PIK3R1: variants seen among roughly 807,000 people sequenced by gnomAD.
PIK3R1 encodes the protein phosphatidylinositol 3-kinase regulatory subunit alpha.
In PIK3R1, 29 loss-of-function variants were observed where a neutral mutation model predicts 98.0. The observed-to-expected ratio is 0.30, with a 90% CI of 0.22 to 0.40. The LOEUF (loss-of-function observed/expected upper bound fraction) is 0.40, where lower values mean the gene tolerates loss of function less well. Ranked by LOEUF, PIK3R1 falls within the 10% of genes least tolerant of loss-of-function variation. PIK3R1 has a pLI of 1.00. For missense variants in PIK3R1, 596 were observed against 872.7 expected (o/e 0.68, Z 3.99); for synonymous variants, 282 against 311.8 (o/e 0.90, Z 1.01).
chr5:68,298,551 G>A lies in PIK3R1; in HGVS notation c.*950G>A, dbSNP rs1444680486. On this transcript the variant is annotated 3_prime_UTR_variant, in exon 16 of 16. Coordinates refer to ENST00000521381, the MANE Select transcript of PIK3R1 (RefSeq NM_181523.3). Reference sequence around the variant, plus strand: ...TCATTTTTGTTATCCTTTTTTAAAAGTAAATGTACAGGATGCCAGTAAAAA... The same window carrying A: ...TCATTTTTGTTATCCTTTTTTAAAAATAAATGTACAGGATGCCAGTAAAAA... The A allele has an allele frequency of 4.3e-6, 1 of 230,206 alleles. No individual in the cohort carries two copies. Among genetic ancestry groups the A allele is most frequent in the East Asian group, 6.1e-5 (1 of 16,302 alleles). 14.3% of individuals were successfully genotyped at this position (230,206 alleles called of 1,614,324 possible). A position where few individuals can be genotyped will look rare whatever the true frequency, so the allele number is the denominator to read the frequency against.
rs1748000706 is a variant in PIK3R1 at position 68,300,824 on chromosome 5, G to C, written c.*3223G>C. The C allele has an allele frequency of 4.3e-6, 1 of 233,162 alleles. No homozygotes were observed. The highest frequency in any genetic ancestry group is 8.5e-6 in the Non-Finnish European group (1 of 118,048). 14.4% of individuals were successfully genotyped at this position (233,162 alleles called of 1,614,324 possible). On this transcript the variant is annotated 3_prime_UTR_variant, in exon 16 of 16. Coordinates refer to ENST00000521381, the MANE Select transcript of PIK3R1 (RefSeq NM_181523.3). ...GGTGAAAATTGTTTGTAAGTGAAGT[G>C]AGAAGTTCATATTTCTTTGGCTTTT...
chr5:68,231,908 C>T (rs762802891), intron 2 of PIK3R1, among the ~76,000 whole-genome samples: 15 of 152,082 alleles, frequency 9.9e-5, no homozygotes, highest in South Asian at 2.1e-4. Flanking sequence ...TCTGTTTTTG[C>T]GAGAAAGTTG....
At chr5:68,267,125 C>G (rs951291230) in intron 2 of PIK3R1, among the ~76,000 whole-genome samples, 3 of 152,180 alleles carry the variant, frequency 2.0e-5, no homozygotes, top group African/African-American at 7.2e-5. Flanking sequence ...CCATTTACAT[C>G]CTGCCTAGCT....
chr5:68,288,774 A>T, intron 7 of PIK3R1: 1 of 1,609,572 alleles, frequency 6.2e-7, no homozygotes, highest in Non-Finnish European at 8.5e-7. Context: ...GAATTTGTGC[A>T]CTTCTCTGTT....
At chr5:68,243,749 CG>C (rs1378370291) in intron 2 of PIK3R1, among the ~76,000 whole-genome samples, 4 of 152,124 alleles carry the variant, frequency 2.6e-5, no homozygotes, top group African/African-American at 9.7e-5. Context: ...TGGTGGATCA[CG>C]GGCAGAAACA....
At chr5:68,286,293 A>G (rs1561292379) in intron 7 of PIK3R1, among the ~76,000 whole-genome samples, 1 of 152,240 alleles carries the variant, frequency 6.6e-6, no homozygotes, top group Non-Finnish European at 1.5e-5. Context: ...GAGGTCCCAG[A>G]GAAATGCTGA....
Position 68,226,683 on chromosome 5 carries a change from C to A in PIK3R1, c.8C>A (p.Ala3Asp), listed in dbSNP as rs1744286902. The change falls in exon 2 of 16, where the codon GCT (alanine) becomes GAT (aspartate). Residue 3 changes from alanine (A) to aspartate (D), a missense_variant. Ala to Asp is a moderately radical substitution (Grantham distance 126). This residue lies in a region of PIK3R1 where 352 missense variants were observed against 393.3 expected (regional missense o/e 0.90). Transcript: ENST00000521381. ...GGTAGCAGATTTGCAAACATGAGTG[C>A]TGAGGGGTACCAGTACAGAGCGCTG... Reference protein sequence around the residue: MSAEGYQYRALYD... With the variant: MSDEGYQYRALYD... 6.2e-7 allele frequency: 1 copy of A among 1,612,238 alleles called. No individual in the cohort carries two copies. Among genetic ancestry groups the A allele is most frequent in the Non-Finnish European group, 8.5e-7 (1 of 1,178,812 alleles).
chr5:68,225,762 G>C, intron 1 of PIK3R1, among the ~76,000 whole-genome samples: 1 of 152,120 alleles, frequency 6.6e-6, no homozygotes. Context: ...ACTCAGCATG[G>C]GCATGCGTGA....
chr5:68,301,438 G>A lies in PIK3R1; in HGVS notation c.*3837G>A, dbSNP rs1224798463. On this transcript the variant is annotated 3_prime_UTR_variant, in exon 16 of 16. Coordinates refer to ENST00000521381, the MANE Select transcript of PIK3R1 (RefSeq NM_181523.3). ...TATATATATATATATATATATGTGT[G>A]TGTATATATATATATATGTGTATAT... 2.7e-5 allele frequency: 3 copies of A among 112,758 alleles called. No individual in the cohort carries two copies. Among genetic ancestry groups the A allele is most frequent in the Non-Finnish European group, 5.2e-5 (3 of 57,440 alleles). The allele number at this position is 112,758 out of a possible 1,614,324, so 7.0% of individuals were successfully genotyped here.
At chr5:68,287,972 G>A (rs908573902) in intron 7 of PIK3R1, among the ~76,000 whole-genome samples, 1 of 152,220 alleles carries the variant, frequency 6.6e-6, no homozygotes, top group African/African-American at 2.4e-5. Flanking sequence ...CTGCAGGGCT[G>A]TCTGTGCTGG....
intron 7 of PIK3R1, among the ~76,000 whole-genome samples, chr5:68,288,911 G>C (rs557298855): frequency 6.6e-6 from 1 of 152,114 alleles, no homozygotes; most frequent in African/African-American, 2.4e-5. Flanking sequence ...CCTCGAGGGG[G>C]ACAGTGGCTG....
At chr5:68,219,123 A>T (rs538583801) in intron 1 of PIK3R1, among the ~76,000 whole-genome samples, 1 of 152,208 alleles carries the variant, frequency 6.6e-6, no homozygotes, top group African/African-American at 2.4e-5. Context: ...ACTTGTCTGT[A>T]TGGCCTTTAT....
intron 2 of PIK3R1, among the ~76,000 whole-genome samples, chr5:68,258,126 A>C (rs1049107612): frequency 1.3e-5 from 2 of 152,218 alleles, no homozygotes; most frequent in African/African-American, 2.4e-5. Context: ...ACCAAGAGCA[A>C]GCACTGTGGG....
chr5:68,288,931 G>T (rs1469388436), intron 7 of PIK3R1, among the ~76,000 whole-genome samples: 2 of 152,116 alleles, frequency 1.3e-5, no homozygotes. Context: ...GGGAAAGATA[G>T]GGTTTAGGTT....
intron 2 of PIK3R1, among the ~76,000 whole-genome samples, chr5:68,260,847 A>G (rs1745712308): frequency 2.0e-5 from 3 of 152,232 alleles, no homozygotes; most frequent in Admixed American, 2.0e-4. Context: ...ACATTTAAGA[A>G]CATGGAATTA....
chr5:68,297,406 C>T lies in PIK3R1; in HGVS notation c.1986-6C>T, dbSNP rs752467376. On this transcript the variant is annotated splice_polypyrimidine_tract_variant and splice_region_variant and intron_variant, in intron 15 of 15. Coordinates refer to ENST00000521381, the MANE Select transcript of PIK3R1 (RefSeq NM_181523.3). ...CAAAAGACAGTTTTTCTTCTCTCCT[C>T]TCTAGGGTGGACGGCGAAGTAAAGC... 3 of 1,610,900 alleles carry T rather than the reference C, an allele frequency of 1.9e-6. No homozygotes were observed. Among genetic ancestry groups the T allele is most frequent in the East Asian group, 2.2e-5 (1 of 44,872 alleles).
At chr5:68,222,169 T>C (rs1205465426) in intron 1 of PIK3R1, among the ~76,000 whole-genome samples, 3 of 152,136 alleles carry the variant, frequency 2.0e-5, no homozygotes, top group Non-Finnish European at 2.9e-5. Context: ...CAAAAGAGAA[T>C]AGAGGCATGA....
intron 12 of PIK3R1, 60 bp downstream of exon 12, chr5:68,294,738 G>A: frequency 1.7e-6 from 2 of 1,210,492 alleles, no homozygotes; most frequent in South Asian, 3.0e-5. Context: ...ACCATTTAAA[G>A]ATGATCTCGC....
At chr5:68,252,198 C>T (rs891075448) in intron 2 of PIK3R1, among the ~76,000 whole-genome samples, 2 of 152,080 alleles carry the variant, frequency 1.3e-5, no homozygotes, top group Non-Finnish European at 2.9e-5. Flanking sequence ...GTCCTGAACC[C>T]GAGGATCAGC....
Sources: allele counts gnomAD v4.1 joint callset (sites outside exome capture counted in the v4.1 genomes callset), GRCh38; gene constraint gnomAD v4.1.1; regional missense constraint gnomAD v4.1.1; transcripts MANE v1.5; gene names NCBI Gene and HGNC (gene_info 2026-07-23, HGNC 2026-07-21).